Variants in TP73 observed in about 807,000 individuals in gnomAD.
TP73 encodes tumor protein p73.
In TP73, 25 loss-of-function variants were observed where a neutral mutation model predicts 62.5. The ratio of observed to expected loss-of-function variants is 0.40; its 90% CI spans 0.29 to 0.56. TP73 has a LOEUF of 0.56. TP73 is among the 20% of genes least tolerant of loss of function. The pLI is 0.46. For missense variants in TP73, 754 were observed against 913.3 expected (o/e 0.83, Z 2.25); for synonymous variants, 423 against 377.5 (o/e 1.12, Z -1.40).
At chr1:3,711,848 G>A (rs1294715795) in intron 4 of TP73, among the ~76,000 whole-genome samples, 1 of 105,518 alleles carries the variant, frequency 9.5e-6, no homozygotes, top group Non-Finnish European at 2.2e-5. Flanking sequence ...GCGTGTGTAT[G>A]TGTGTGTGTG....
intron 3 of TP73, chr1:3,690,547 G>C (rs550546986): frequency 2.0e-6 from 2 of 1,009,108 alleles, no homozygotes; most frequent in Non-Finnish European, 2.5e-6. Flanking sequence ...GCTGACCGGC[G>C]TCCCCGCCCT....
chr1:3,723,351 C>T lies in TP73; in HGVS notation c.617-3C>T. 1 of 1,611,880 alleles carries T rather than the reference C, an allele frequency of 6.2e-7. No homozygotes were observed. Among genetic ancestry groups the T allele is most frequent in the Non-Finnish European group, 8.5e-7 (1 of 1,179,262 alleles). On this transcript the variant is annotated splice_region_variant and splice_polypyrimidine_tract_variant and intron_variant, in intron 5 of 13. Transcript: ENST00000378295. ...TCTCTGAAGTGTCGACCCCTCCCGGCAGGACAGTCTGCTCCAGCCAGCCAC... is the reference window on the plus strand; with the variant it reads ...TCTCTGAAGTGTCGACCCCTCCCGGTAGGACAGTCTGCTCCAGCCAGCCAC...
chr1:3,690,687 A>G, intron 3 of TP73: 2 of 1,413,184 alleles, frequency 1.4e-6, no homozygotes, highest in Non-Finnish European at 1.8e-6. Flanking sequence ...CAGCCAGTTG[A>G]CAGAACTAAG....
At chr1:3,692,393 G>T (rs183854864) in intron 3 of TP73, among the ~76,000 whole-genome samples, 1 of 152,226 alleles carries the variant, frequency 6.6e-6, no homozygotes, top group Non-Finnish European at 1.5e-5. Flanking sequence ...ACACGCCTGC[G>T]TGATCTTTTT....
chr1:3,711,887 T>A (rs3819966), intron 4 of TP73, among the ~76,000 whole-genome samples: 1 of 114,990 alleles, frequency 8.7e-6, no homozygotes, highest in African/African-American at 2.7e-5. Context: ...TGTGCACACA[T>A]GTTTGTCTTA....
chr1:3,721,648 C>T (rs1641079934), intron 4 of TP73, among the ~76,000 whole-genome samples: 1 of 152,236 alleles, frequency 6.6e-6, no homozygotes, highest in Admixed American at 6.5e-5. Context: ...ATGGCTTCCA[C>T]AGGCCTGGCT....
At chr1:3,726,462 T>C (rs1191076391) in intron 6 of TP73, among the ~76,000 whole-genome samples, 2 of 127,448 alleles carry the variant, frequency 1.6e-5, no homozygotes, top group African/African-American at 3.5e-5. Context: ...GATGGGTGGA[T>C]GGATGGATTG....
intron 3 of TP73, among the ~76,000 whole-genome samples, chr1:3,686,924 C>T (rs768126540): frequency 1.2e-4 from 19 of 152,134 alleles, no homozygotes; most frequent in African/African-American, 1.9e-4. Flanking sequence ...CCAGTGGTGC[C>T]GGGCCCATCG....
At chr1:3,671,735 A>T (rs979674116) in intron 1 of TP73, among the ~76,000 whole-genome samples, 2 of 152,076 alleles carry the variant, frequency 1.3e-5, no homozygotes, top group Non-Finnish European at 2.9e-5. Context: ...GAAAATATGG[A>T]GGATTTGGCA....
chr1:3,672,524 C>T lies in TP73; in HGVS notation c.-33-9809C>T, dbSNP rs1416975229. Among the ~76,000 whole-genome samples the T allele has an allele frequency of 2.6e-5, 4 of 152,112 alleles. No homozygotes were observed. Among genetic ancestry groups the T allele is most frequent in the African/African-American group, 9.7e-5 (4 of 41,400 alleles). Reference sequence around the variant, plus strand: ...GCTGAGGGCAGCGCTGTACTCATCACCTGTGAACACAGGTATCGACTCAGA... The same window carrying T: ...GCTGAGGGCAGCGCTGTACTCATCATCTGTGAACACAGGTATCGACTCAGA... On this transcript the variant is annotated intron_variant, in intron 1 of 13. Transcript: ENST00000378295. The surrounding 1 kb of genome is among the most constrained non-coding windows in gnomAD (Gnocchi z 5.3).
chr1:3,702,924 G>A (rs1639315120), intron 3 of TP73, among the ~76,000 whole-genome samples: 1 of 152,236 alleles, frequency 6.6e-6, no homozygotes, highest in South Asian at 2.1e-4. Context: ...GCAGGCCTGT[G>A]TTAGGTTCAG....
intron 3 of TP73, chr1:3,690,804 G>A (rs553541168): frequency 3.1e-5 from 48 of 1,531,424 alleles, no homozygotes; most frequent in Middle Eastern, 2.2e-4. Context: ...CCACGCTGCC[G>A]GGCGGCCACG....
intron 1 of TP73, 100 bp from the exon 2 acceptor site, chr1:3,682,233 C>G: frequency 1.2e-6 from 1 of 867,998 alleles, no homozygotes. Context: ...CAGGGATGCC[C>G]CAGGCAGGCC....
intron 6 of TP73, among the ~76,000 whole-genome samples, chr1:3,725,772 GTGGA>G (rs1175648437): frequency 1.2e-4 from 12 of 101,042 alleles, no homozygotes; most frequent in African/African-American, 4.4e-4. Flanking sequence ...GGGTGGGGGG[GTGGA>G]TGGATGGATG....
intron 4 of TP73, among the ~76,000 whole-genome samples, chr1:3,714,922 C>T (rs1477188989): frequency 6.6e-6 from 1 of 152,238 alleles, no homozygotes; most frequent in Non-Finnish European, 1.5e-5. Flanking sequence ...CTGGGCAGCT[C>T]ATTCCTTCCC....
In TP73 at chr1:3,733,416, G is replaced by C. The variant is rs1357187021; in HGVS notation, c.*337G>C. On this transcript the variant is annotated 3_prime_UTR_variant, in exon 14 of 14. Transcript: ENST00000378295. Reference sequence around the variant, plus strand: ...ACCGCAGCGTCGGCTCCGACTTCCAGGCTTCATCCTAGAGACTGTCATCTC... The same window carrying C: ...ACCGCAGCGTCGGCTCCGACTTCCACGCTTCATCCTAGAGACTGTCATCTC... The C allele has an allele frequency of 2.5e-6, 1 of 393,720 alleles. No individual in the cohort carries two copies. Among genetic ancestry groups the C allele is most frequent in the African/African-American group, 2.0e-5 (1 of 49,592 alleles). 24.4% of individuals were successfully genotyped at this position (393,720 alleles called of 1,614,324 possible).
chr1:3,671,699 G>T (rs1478118214), intron 1 of TP73, among the ~76,000 whole-genome samples: 1 of 152,234 alleles, frequency 6.6e-6, no homozygotes. Flanking sequence ...CTTCCCGCTG[G>T]GTTCCTCTGA....
rs1641119924 is a variant in TP73 at position 3,722,105 on chromosome 1, G to A, written c.514G>A (p.Gly172Ser). ...QIKVSTPPPPGTAIRAMPVYK... is the reference protein window; with the variant it reads ...QIKVSTPPPPSTAIRAMPVYK... Reference sequence around the variant, plus strand: ...CAAGGTGTCCACCCCGCCACCCCCAGGCACCGCCATCCGGGCCATGCCTGT... The same window carrying A: ...CAAGGTGTCCACCCCGCCACCCCCAAGCACCGCCATCCGGGCCATGCCTGT... Residue 172 changes from glycine (G) to serine (S), a missense_variant, in exon 5 of 14, where the codon GGC becomes AGC. Gly to Ser is a moderately conservative substitution (Grantham distance 56). This residue lies in a region of TP73 where 235 missense variants were observed against 251.4 expected (regional missense o/e 0.93). Transcript: ENST00000378295. The A allele has an allele frequency of 1.2e-6, 2 of 1,612,798 alleles. No homozygotes were observed. The highest frequency in any genetic ancestry group is 1.7e-5 in the Admixed American group (1 of 59,980).
At chr1:3,655,996 T>C (rs1374517675) in intron 1 of TP73, among the ~76,000 whole-genome samples, 1 of 152,050 alleles carries the variant, frequency 6.6e-6, no homozygotes, top group East Asian at 1.9e-4. Context: ...GCTAACACGG[T>C]GAAACCCCGT....
Sources: gnomAD v4.1 joint callset for allele counts (sites outside exome capture counted in the v4.1 genomes callset) on GRCh38, gnomAD v4.1.1 for gene constraint, gnomAD v4.1.1 regional missense constraint, Gnocchi (gnomAD v3.1) non-coding constraint, MANE v1.5 for transcripts, NCBI Gene and HGNC (gene_info 2026-07-23, HGNC 2026-07-21) for gene names.